The following EIF4E variants were observed in gnomAD, a reference collection of about 807,000 sequenced individuals.
The protein encoded by EIF4E is eukaryotic translation initiation factor 4E, also known as eIF-4F 25 kDa subunit.
For synonymous variants in EIF4E, 71 were observed against 88.5 expected (o/e 0.80, Z 1.11); for missense variants, 113 against 265.6 (o/e 0.43, Z 3.99).
chr4:98,891,170 G>A (rs1327326118), intron 3 of EIF4E, 67 bp downstream of exon 3: 44 of 1,539,148 alleles, frequency 2.9e-5, no homozygotes, highest in African/African-American at 1.5e-4. Flanking sequence ...TTGTGAATTC[G>A]ACTTAAAAAT....
At chr4:98,896,150 C>T (rs145615497) in intron 2 of EIF4E, among the ~76,000 whole-genome samples, 2,015 of 150,042 alleles carry the variant, frequency 0.013, 27 homozygotes, top group Admixed American at 0.027. Context: ...GAGCCGAGAT[C>T]GCACCACTGC....
At chr4:98,891,196 C>T (rs1222460857) in intron 3 of EIF4E, 41 bp downstream of exon 3, 4 of 1,599,672 alleles carry the variant, frequency 2.5e-6, no homozygotes, top group South Asian at 1.1e-5. Flanking sequence ...AACTACACAA[C>T]GAATAAAACA....
At chr4:98,911,175 A>C (rs1018662630) in intron 1 of EIF4E, among the ~76,000 whole-genome samples, 1 of 151,602 alleles carries the variant, frequency 6.6e-6, no homozygotes, top group Non-Finnish European at 1.5e-5. Context: ...CAGCCTCCCA[A>C]GTAGCTGGGA....
chr4:98,909,898 T>G (rs1268572605), intron 1 of EIF4E: 2 of 584,740 alleles, frequency 3.4e-6, no homozygotes, highest in African/African-American at 3.8e-5. Context: ...AGGGTAATCA[T>G]GGAGGAGGCG....
At chr4:98,893,612 A>C (rs1197125930) in intron 2 of EIF4E, among the ~76,000 whole-genome samples, 1 of 152,146 alleles carries the variant, frequency 6.6e-6, no homozygotes, top group African/African-American at 2.4e-5. Context: ...TTCTCATGAG[A>C]CTGCAACAAT....
At chr4:98,896,353 T>C (rs76186451) in intron 2 of EIF4E, among the ~76,000 whole-genome samples, 42 of 149,706 alleles carry the variant, frequency 2.8e-4, no homozygotes, top group African/African-American at 1.0e-3. Flanking sequence ...ACGTGAGTGA[T>C]AGAGCAAGAC....
At position 98,891,264 on chromosome 4, in the gene EIF4E, T is replaced by C. The variant is rs1251551425; in HGVS notation, c.194A>G (p.Lys65Arg). ...CCAAAAGTCTTCAACAGTATCAAAC[T>C]TGGAGATCAGCCGCAGGTTTGCTTG... ...TWQANLRLISKFDTVEDFWAL... is the reference protein window; with the variant it reads ...TWQANLRLISRFDTVEDFWAL... The change falls in exon 3 of 7, where the codon AAG becomes AGG. Residue 65 changes from lysine (K) to arginine (R), a missense_variant. Transcript: ENST00000450253. 1 of 1,614,046 alleles carries C rather than the reference T, an allele frequency of 6.2e-7. No homozygotes were observed. The highest frequency in any genetic ancestry group is 1.3e-5 in the African/African-American group (1 of 74,942).
chr4:98,891,629 A>G (rs1004816089), intron 2 of EIF4E: 10 of 328,698 alleles, frequency 3.0e-5, no homozygotes, highest in South Asian at 4.6e-5. Context: ...CATAGAAACA[A>G]AAAGAATGGT....
chr4:98,912,707 A>G (rs993748710), intron 1 of EIF4E, among the ~76,000 whole-genome samples: 1 of 152,366 alleles, frequency 6.6e-6, no homozygotes, highest in Admixed American at 6.5e-5. Context: ...CAGTAACATG[A>G]TAATTTCCAT....
chr4:98,906,374 G>A (rs1724874539), intron 1 of EIF4E, among the ~76,000 whole-genome samples: 1 of 152,182 alleles, frequency 6.6e-6, no homozygotes, highest in African/African-American at 2.4e-5. Flanking sequence ...TGACAGTGAG[G>A]TTAAGTATAG....
chr4:98,884,244 C>T (rs1293661652), intron 6 of EIF4E, among the ~76,000 whole-genome samples: 2 of 152,102 alleles, frequency 1.3e-5, no homozygotes, highest in East Asian at 3.9e-4. Context: ...TATGAGCATA[C>T]ATTAGCTCTT....
chr4:98,909,625 C>A, intron 1 of EIF4E: 1 of 685,972 alleles, frequency 1.5e-6, no homozygotes. Context: ...TAAAATCTGC[C>A]AAAGAACAGT....
At chr4:98,901,502 C>T (rs1159373216) in intron 2 of EIF4E, among the ~76,000 whole-genome samples, 1 of 151,862 alleles carries the variant, frequency 6.6e-6, no homozygotes, top group Non-Finnish European at 1.5e-5. Flanking sequence ...TGAGCCACCG[C>T]GTTGGGCGAC....
chr4:98,887,753 A>T lies in EIF4E; in HGVS notation c.285+136T>A. On this transcript the variant is annotated intron_variant, in intron 4 of 6. Coordinates refer to ENST00000450253, the MANE Select transcript of EIF4E (RefSeq NM_001968.5). This position sits in a 1 kb window ranked among gnomAD's most constrained non-coding sequence, Gnocchi z 4.0. Reference sequence around the variant, plus strand: ...ATAGAATAAGATATATTGATACTAAAGCATACTACAGCCAATTAAATTATC... The same window carrying T: ...ATAGAATAAGATATATTGATACTAATGCATACTACAGCCAATTAAATTATC... 4.0e-6 allele frequency: 3 copies of T among 744,636 alleles called. No homozygotes were observed. Among genetic ancestry groups the T allele is most frequent in the Non-Finnish European group, 6.9e-6 (3 of 436,736 alleles). 46.1% of individuals were successfully genotyped at this position (744,636 alleles called of 1,614,324 possible).
At chr4:98,890,031 C>T (rs1028481406) in intron 3 of EIF4E, among the ~76,000 whole-genome samples, 2 of 152,112 alleles carry the variant, frequency 1.3e-5, no homozygotes, top group African/African-American at 2.4e-5. Context: ...AATAAATACT[C>T]TCAAAGTTTA....
intron 1 of EIF4E, among the ~76,000 whole-genome samples, chr4:98,915,835 C>T (rs894299501): frequency 7.9e-5 from 12 of 151,920 alleles, no homozygotes; most frequent in South Asian, 4.2e-4. Flanking sequence ...AGCCACTGCG[C>T]CTGGCCGTTA....
At chr4:98,912,149 G>A (rs887107937) in intron 1 of EIF4E, among the ~76,000 whole-genome samples, 1 of 151,462 alleles carries the variant, frequency 6.6e-6, no homozygotes, top group Admixed American at 6.6e-5. Context: ...TTACTTGGGA[G>A]GCTGAAGCAG....
intron 2 of EIF4E, among the ~76,000 whole-genome samples, chr4:98,892,630 C>T (rs961768956): frequency 1.8e-5 from 2 of 110,730 alleles, no homozygotes; most frequent in Non-Finnish European, 4.6e-5. Flanking sequence ...TGCTGTGAGC[C>T]GAGATTGTGC....
At chr4:98,899,432 A>C (rs1436175299) in intron 2 of EIF4E, among the ~76,000 whole-genome samples, 2 of 152,214 alleles carry the variant, frequency 1.3e-5, no homozygotes, top group Non-Finnish European at 2.9e-5. Context: ...TAATCACATG[A>C]GTTAGCAAGG....
Sources: gnomAD v4.1 joint callset for allele counts (sites outside exome capture counted in the v4.1 genomes callset) on GRCh38, gnomAD v4.1.1 for gene constraint, Gnocchi (gnomAD v3.1) non-coding constraint, MANE v1.5 for transcripts, NCBI Gene and HGNC (gene_info 2026-07-23, HGNC 2026-07-21) for gene names.